LYPLA1: variants seen among roughly 807,000 people sequenced by gnomAD.
The protein encoded by LYPLA1 is lysophospholipase 1, also known as acyl-protein thioesterase 1.
A neutral mutation model predicts 34.0 loss-of-function variants in LYPLA1; 17 were observed. The observed-to-expected ratio is 0.50, with a 90% CI of 0.34 to 0.75. LYPLA1 has a LOEUF of 0.75. Ranked by LOEUF, LYPLA1 falls within the 30% of genes least tolerant of loss-of-function variation. The pLI is 0.01. For synonymous variants in LYPLA1, 98 were observed against 100.8 expected, an observed-to-expected ratio of 0.97 and a Z score of 0.17; for missense variants, 203 against 288.8, an observed-to-expected ratio of 0.70 and a Z score of 2.15.
At chr8:54,077,570 C>T (rs1026964020) in intron 2 of LYPLA1, among the ~76,000 whole-genome samples, 13 of 152,030 alleles carry the variant, frequency 8.6e-5, no homozygotes, top group Admixed American at 7.2e-4. Flanking sequence ...CTGAGGCAGA[C>T]GGATCACTTG....
chr8:54,073,104 T>C, intron 2 of LYPLA1: 2 of 671,328 alleles, frequency 3.0e-6, no homozygotes, highest in Non-Finnish European at 5.6e-6. Context: ...GGTTGGGCCA[T>C]CAGGAACTTG....
Position 54,051,115 on chromosome 8 carries a change from A to G in LYPLA1, c.536T>C (p.Leu179Pro), listed in dbSNP as rs752581040. 42 of 1,614,134 alleles carry G rather than the reference A, an allele frequency of 2.6e-5. No homozygotes were observed. Among genetic ancestry groups the G allele is most frequent in the Non-Finnish European group, 3.6e-5 (42 of 1,179,972 alleles). Residue 179 changes from leucine to proline, a missense_variant, in exon 8 of 9, where the codon CTG becomes CCG. This residue lies in a region of LYPLA1 where 123 missense variants were observed against 199.2 expected (regional missense o/e 0.62). Coordinates refer to ENST00000316963, the MANE Select transcript of LYPLA1 (RefSeq NM_006330.4). ...TTCCACCGTAAGAGAACCAAACATC[A>G]GGGGAACCAAAGGGTCACAATCCCC... Reference protein sequence around the residue: ...CHGDCDPLVPLMFGSLTVEKL... With the variant: ...CHGDCDPLVPPMFGSLTVEKL...
chr8:54,095,307 A>T (rs1418235973), intron 2 of LYPLA1, among the ~76,000 whole-genome samples: 1 of 152,164 alleles, frequency 6.6e-6, no homozygotes, highest in Non-Finnish European at 1.5e-5. Flanking sequence ...AGAACAAAGG[A>T]AATTTAATTA....
intron 2 of LYPLA1, among the ~76,000 whole-genome samples, chr8:54,068,089 A>G (rs1807209880): frequency 6.6e-6 from 1 of 152,176 alleles, no homozygotes; most frequent in Non-Finnish European, 1.5e-5. Context: ...ATTAACTGCA[A>G]TACTTACATA....
chr8:54,062,881 G>A (rs965130127), intron 4 of LYPLA1, among the ~76,000 whole-genome samples: 1 of 152,110 alleles, frequency 6.6e-6, no homozygotes, highest in Non-Finnish European at 1.5e-5. Context: ...TCATAGTCTG[G>A]AAGTAGCACA....
chr8:54,091,314 CCT>C (rs1809231322), intron 2 of LYPLA1, among the ~76,000 whole-genome samples: 1 of 151,782 alleles, frequency 6.6e-6, no homozygotes, highest in Non-Finnish European at 1.5e-5. Flanking sequence ...ACGGTGAAAC[CCT>C]GTTTCTACTA....
intron 5 of LYPLA1, among the ~76,000 whole-genome samples, chr8:54,055,425 A>C (rs72657403): frequency 0.013 from 1,931 of 152,254 alleles, 23 homozygotes; most frequent in Non-Finnish European, 0.02. Flanking sequence ...GAAAACTATA[A>C]AACACTGATG....
At chr8:54,086,776 G>C (rs886760745) in intron 2 of LYPLA1, among the ~76,000 whole-genome samples, 1 of 152,088 alleles carries the variant, frequency 6.6e-6, no homozygotes, top group Non-Finnish European at 1.5e-5. Flanking sequence ...TTTGAGCCTG[G>C]AAGGTTGAGG....
At chr8:54,067,378 T>C (rs1807143637) in intron 2 of LYPLA1, among the ~76,000 whole-genome samples, 1 of 152,106 alleles carries the variant, frequency 6.6e-6, no homozygotes, top group Non-Finnish European at 1.5e-5. Flanking sequence ...CTTTAATATT[T>C]CTTCATGCGT....
chr8:54,101,615 A>T, intron 1 of LYPLA1, 140 bp downstream of exon 1: 1 of 1,142,658 alleles, frequency 8.8e-7, no homozygotes, highest in Non-Finnish European at 1.1e-6. Flanking sequence ...GGCCGCGCGG[A>T]CCATTCGCAC....
At chr8:54,083,427 T>C (rs1808455542) in intron 2 of LYPLA1, among the ~76,000 whole-genome samples, 1 of 152,206 alleles carries the variant, frequency 6.6e-6, no homozygotes, top group African/African-American at 2.4e-5. Context: ...CAACTTATAA[T>C]GGCTAAATTT....
At chr8:54,043,532 C>T (rs191789215), downstream of LYPLA1, among the ~76,000 whole-genome samples, 22 of 151,698 alleles carry the variant, frequency 1.5e-4, 1 homozygote, top group Non-Finnish European at 2.4e-4. Flanking sequence ...CCTCAGCCTC[C>T]CAAAGTGCTG....
chr8:54,059,167 G>C (rs947013762), intron 5 of LYPLA1, among the ~76,000 whole-genome samples: 1 of 152,032 alleles, frequency 6.6e-6, no homozygotes, highest in African/African-American at 2.4e-5. Context: ...TCATACTTTT[G>C]TCATCTATTA....
chr8:54,063,736 T>C, intron 3 of LYPLA1, among the ~76,000 whole-genome samples: 1 of 152,244 alleles, frequency 6.6e-6, no homozygotes, highest in East Asian at 1.9e-4. Context: ...CAATGAGTGA[T>C]TTATTACACT....
chr8:54,062,947 G>A (rs989418731), intron 4 of LYPLA1, among the ~76,000 whole-genome samples: 2 of 152,160 alleles, frequency 1.3e-5, no homozygotes, highest in African/African-American at 4.8e-5. Context: ...GGAATGTGAG[G>A]ATATCTTCAG....
intron 2 of LYPLA1, 157 bp downstream of exon 2, chr8:54,100,751 G>A (rs1305843711): frequency 3.1e-6 from 2 of 636,378 alleles, no homozygotes; most frequent in African/African-American, 1.9e-5. Context: ...AAATTCTGAG[G>A]GTTTTCAAAA....
At chr8:54,048,621 A>C (rs1161467842) in intron 8 of LYPLA1, among the ~76,000 whole-genome samples, 1 of 152,158 alleles carries the variant, frequency 6.6e-6, no homozygotes, top group Non-Finnish European at 1.5e-5. Context: ...TAATATACCA[A>C]AGATTTATCA....
intron 2 of LYPLA1, among the ~76,000 whole-genome samples, chr8:54,075,381 C>T (rs1484130196): frequency 6.6e-6 from 1 of 152,196 alleles, no homozygotes; most frequent in Non-Finnish European, 1.5e-5. Context: ...CACCTGAAAC[C>T]TTATCAGATG....
chr8:54,065,948 G>GT (rs1219289177), intron 2 of LYPLA1, 135 bp from the exon 3 acceptor site: 17 of 655,742 alleles, frequency 2.6e-5, no homozygotes, highest in Non-Finnish European at 4.4e-5. Flanking sequence ...TTGTTTGTTT[G>GT]TTTTTTGAGA....
Sources: gnomAD v4.1 joint callset for allele counts (sites outside exome capture counted in the v4.1 genomes callset) on GRCh38, gnomAD v4.1.1 for gene constraint, gnomAD v4.1.1 regional missense constraint, MANE v1.5 for transcripts, NCBI Gene and HGNC (gene_info 2026-07-23, HGNC 2026-07-21) for gene names.